The following LIMCH1 variants were observed in gnomAD, a reference collection of about 807,000 sequenced individuals.
LIMCH1 encodes LIM and calponin homology domains-containing protein 1.
Under a neutral mutation model 176.5 loss-of-function variants are expected in LIMCH1, and 113 were observed. That is an observed-to-expected ratio of 0.64 (90% CI 0.55 to 0.75). The LOEUF is 0.75. Among genes scored for constraint, LIMCH1 ranks in the 30% least tolerant of loss-of-function variants. The pLI is 0.00. For missense variants in LIMCH1, 1,674 were observed against 1,814.9 expected, an observed-to-expected ratio of 0.92 and a Z score of 1.41; for synonymous variants, 619 against 645.9, an observed-to-expected ratio of 0.96 and a Z score of 0.63.
intron 1 of LIMCH1, among the ~76,000 whole-genome samples, chr4:41,572,737 T>C (rs1371848793): frequency 6.6e-6 from 1 of 152,210 alleles, no homozygotes; most frequent in Non-Finnish European, 1.5e-5. Flanking sequence ...GTTTGTGTTT[T>C]GATTTCAGTA....
chr4:41,619,788 A>G, intron 6 of LIMCH1: 1 of 288,986 alleles, frequency 3.5e-6, no homozygotes, highest in Non-Finnish European at 6.5e-6. Flanking sequence ...TAGGCGTAGA[A>G]AGATTCCTAT....
At chr4:41,564,964 TC>T (rs1383029175) in intron 1 of LIMCH1, among the ~76,000 whole-genome samples, 2 of 152,262 alleles carry the variant, frequency 1.3e-5, no homozygotes, top group Middle Eastern at 3.4e-3. Context: ...TCCTGAGGCC[TC>T]CCCAGACAGC....
At chr4:41,585,340 C>T (rs889665015) in intron 1 of LIMCH1, among the ~76,000 whole-genome samples, 1 of 152,196 alleles carries the variant, frequency 6.6e-6, no homozygotes. Context: ...ACTTAGCATA[C>T]TATCTTCCGG....
At chr4:41,430,164 G>T (rs1234997333) in intron 1 of LIMCH1, among the ~76,000 whole-genome samples, 1 of 152,180 alleles carries the variant, frequency 6.6e-6, no homozygotes, top group Non-Finnish European at 1.5e-5. Flanking sequence ...TAATTCTAGA[G>T]AAATTATATT....
At chr4:41,670,694 G>A in intron 21 of LIMCH1, 2 of 1,509,640 alleles carry the variant, frequency 1.3e-6, no homozygotes, top group Non-Finnish European at 1.8e-6. Flanking sequence ...TTTTCTGTTT[G>A]TTCTGTTCTG....
intron 1 of LIMCH1, among the ~76,000 whole-genome samples, chr4:41,457,588 T>G (rs2064775242): frequency 6.6e-6 from 1 of 152,174 alleles, no homozygotes; most frequent in Non-Finnish European, 1.5e-5. Flanking sequence ...GGAGGCTAAG[T>G]AGCTTAGCCC....
At chr4:41,528,755 C>G (rs550775480) in intron 3 of LIMCH1, among the ~76,000 whole-genome samples, 13 of 152,038 alleles carry the variant, frequency 8.6e-5, no homozygotes, top group Non-Finnish European at 1.6e-4. Flanking sequence ...ATTAAGATGG[C>G]CCAGCTGCTT....
intron 7 of LIMCH1, among the ~76,000 whole-genome samples, chr4:41,623,318 T>G (rs1044051635): frequency 1.3e-5 from 2 of 152,166 alleles, no homozygotes; most frequent in African/African-American, 4.8e-5. Flanking sequence ...AGAGGACCAC[T>G]TGTTGTGGCC....
chr4:41,416,173 A>G (rs4452462), intron 1 of LIMCH1, among the ~76,000 whole-genome samples: 10,296 of 152,130 alleles, frequency 0.068, 688 homozygotes, highest in South Asian at 0.19. Context: ...CTGAAACCCA[A>G]TGAACCTCAC....
At chr4:41,392,178 A>T (rs1425592279) in intron 1 of LIMCH1, among the ~76,000 whole-genome samples, 1 of 152,208 alleles carries the variant, frequency 6.6e-6, no homozygotes, top group Non-Finnish European at 1.5e-5. Flanking sequence ...AGCAGTGAGA[A>T]AACAGTTAAA....
chr4:41,397,010 C>T (rs1020867760), intron 1 of LIMCH1, among the ~76,000 whole-genome samples: 5 of 152,192 alleles, frequency 3.3e-5, no homozygotes, highest in African/African-American at 1.2e-4. Context: ...CCACTATGGT[C>T]ATTTCAGTTG....
At chr4:41,669,944 T>C (rs2094956195) in intron 21 of LIMCH1, among the ~76,000 whole-genome samples, 2 of 152,210 alleles carry the variant, frequency 1.3e-5, no homozygotes, top group Admixed American at 1.3e-4. Context: ...ATTCATAGAC[T>C]GGTCATACAG....
intron 1 of LIMCH1, among the ~76,000 whole-genome samples, chr4:41,467,168 C>A (rs879396476): frequency 1.1e-5 from 1 of 88,828 alleles, no homozygotes; most frequent in Non-Finnish European, 2.3e-5. Context: ...TACACACACA[C>A]ACACACACAC....
chr4:41,508,963 A>G (rs1418605964), intron 2 of LIMCH1, among the ~76,000 whole-genome samples: 1 of 152,172 alleles, frequency 6.6e-6, no homozygotes, highest in Non-Finnish European at 1.5e-5. Context: ...ATTGTTAGAG[A>G]CCTTGTGTAA....
chr4:41,425,003 C>A (rs564676679), intron 1 of LIMCH1, among the ~76,000 whole-genome samples: 4 of 152,290 alleles, frequency 2.6e-5, no homozygotes, highest in African/African-American at 9.6e-5. Context: ...TCCTCTCGGC[C>A]ACCAGATTCC....
At chr4:41,571,218 T>G (rs2083501139) in intron 1 of LIMCH1, among the ~76,000 whole-genome samples, 1 of 151,854 alleles carries the variant, frequency 6.6e-6, no homozygotes, top group African/African-American at 2.4e-5. Context: ...TTTGTCTTGT[T>G]TATAGGACAA....
intron 1 of LIMCH1, among the ~76,000 whole-genome samples, chr4:41,567,660 C>T (rs548066772): frequency 1.3e-5 from 2 of 152,102 alleles, no homozygotes; most frequent in African/African-American, 4.8e-5. Context: ...GGGGCTTAGA[C>T]AGATTATGTA....
chr4:41,664,063 C>T (rs1439222358), intron 20 of LIMCH1, among the ~76,000 whole-genome samples: 1 of 151,784 alleles, frequency 6.6e-6, no homozygotes. Flanking sequence ...CAAAACAATC[C>T]AAGCCCATTC....
rs886543384 is a variant in LIMCH1 at position 41,689,657 on chromosome 4, C to G, written c.4275+22C>G. On this transcript the variant is annotated intron_variant, in intron 30 of 31. Coordinates refer to ENST00000503057, the MANE Select transcript of LIMCH1 (RefSeq NM_001330672.2). ...CAGGGTACGTACTTACTGCTTTGCT[C>G]TCCAGACACAACTTCATGATGTCTT... The G allele has an allele frequency of 1.3e-5, 18 of 1,387,426 alleles. No individual in the cohort carries two copies. In the African/African-American group the frequency reaches 1.9e-4, roughly 14 times the overall value. The allele number at this position is 1,387,426 out of a possible 1,614,324, so 85.9% of individuals were successfully genotyped here.
Sources: gnomAD v4.1 joint callset for allele counts (sites outside exome capture counted in the v4.1 genomes callset) on GRCh38, gnomAD v4.1.1 for gene constraint, MANE v1.5 for transcripts, NCBI Gene and HGNC (gene_info 2026-07-23, HGNC 2026-07-21) for gene names.